INSL6: variants seen among roughly 807,000 people sequenced by gnomAD.
INSL6 encodes the protein insulin-like peptide INSL6.
INSL6 carries 16 observed loss-of-function variants against 9.4 expected under a neutral mutation model. That is an observed-to-expected ratio of 1.70 (90% CI 1.15 to 2.59). INSL6 has a LOEUF of 2.59. INSL6 is among the 30% of genes most tolerant of loss of function. The pLI is 0.00. For missense variants in INSL6, 391 were observed against 257.3 expected (o/e 1.52, Z -3.56); for synonymous variants, 154 against 96.9 (o/e 1.59, Z -3.46).
chr9:5,086,906 G>A, the INSL6 span, among the ~76,000 whole-genome samples: 2 of 151,992 alleles, frequency 1.3e-5, no homozygotes, highest in East Asian at 1.9e-4. Context: ...AACTACTTTC[G>A]CTGGTATCCA....
At chr9:5,027,230 G>T in the INSL6 span, among the ~76,000 whole-genome samples, 8 of 152,280 alleles carry the variant, frequency 5.3e-5, 1 homozygote, top group Admixed American at 5.2e-4. Context: ...TTGTGGGTTT[G>T]GTTCCAGACT....
At chr9:5,135,999 T>C (rs989020608) in intron 2 of INSL6, among the ~76,000 whole-genome samples, 8 of 152,190 alleles carry the variant, frequency 5.3e-5, no homozygotes, top group Admixed American at 4.6e-4. Flanking sequence ...TAAACACCTC[T>C]ATGCAAATAA....
chr9:5,133,902 C>G (rs1824339614), intron 2 of INSL6, among the ~76,000 whole-genome samples: 1 of 151,956 alleles, frequency 6.6e-6, no homozygotes, highest in Admixed American at 6.6e-5. Flanking sequence ...CTCCTCTGAG[C>G]TAAAGGAACA....
chr9:5,157,412 T>C (rs1586867351), intron 2 of INSL6, among the ~76,000 whole-genome samples: 1 of 151,964 alleles, frequency 6.6e-6, no homozygotes, highest in Admixed American at 6.6e-5. Flanking sequence ...GAAAGATTAA[T>C]GGAAAAAAAG....
At chr9:5,060,669 G>A in the INSL6 span, among the ~76,000 whole-genome samples, 4 of 152,080 alleles carry the variant, frequency 2.6e-5, no homozygotes, top group African/African-American at 9.7e-5. Flanking sequence ...CATTGAAGTC[G>A]TGAACCCCTC....
At chr9:5,112,198 G>A in the INSL6 span, 2 of 270,420 alleles carry the variant, frequency 7.4e-6, no homozygotes, top group Admixed American at 4.7e-5. Flanking sequence ...GGGCTTCGCC[G>A]GCCCCATGCT....
chr9:5,128,230 C>T, intron 3 of INSL6: 1 of 230,882 alleles, frequency 4.3e-6, no homozygotes, highest in Non-Finnish European at 8.6e-6. Context: ...CTGAAGACTT[C>T]TGATTTTGGG....
At chr9:5,013,464 C>T in the INSL6 span, among the ~76,000 whole-genome samples, 9 of 152,140 alleles carry the variant, frequency 5.9e-5, no homozygotes, top group Admixed American at 2.0e-4. Context: ...TTCTTGGCTT[C>T]TTCTTCAGAC....
the INSL6 span, among the ~76,000 whole-genome samples, chr9:5,051,810 A>C: frequency 7.5e-4 from 114 of 152,260 alleles, no homozygotes; most frequent in African/African-American, 2.6e-3. Context: ...AAACAGTTAC[A>C]TACCCAATTT....
chr9:5,121,257 T>G (rs988370231), downstream of INSL6, among the ~76,000 whole-genome samples: 1 of 152,148 alleles, frequency 6.6e-6, no homozygotes, highest in African/African-American at 2.4e-5. Context: ...CCTAAGAGAT[T>G]TGCAAAGACA....
At chr9:5,043,447 A>G in the INSL6 span, among the ~76,000 whole-genome samples, 1 of 152,248 alleles carries the variant, frequency 6.6e-6, no homozygotes, top group Non-Finnish European at 1.5e-5. Flanking sequence ...AAGACAAACA[A>G]TAACAAGTGT....
chr9:5,038,988 G>T, the INSL6 span, among the ~76,000 whole-genome samples: 1 of 151,958 alleles, frequency 6.6e-6, no homozygotes, highest in African/African-American at 2.4e-5. Context: ...AACACAATAG[G>T]AATGGCAAGG....
At chr9:5,008,452 G>C in the INSL6 span, among the ~76,000 whole-genome samples, 1 of 152,212 alleles carries the variant, frequency 6.6e-6, no homozygotes, top group East Asian at 1.9e-4. Context: ...GGTGATTGAG[G>C]AGGAGAAAGT....
chr9:5,114,208 C>A, the INSL6 span: 1 of 496,748 alleles, frequency 2.0e-6, no homozygotes, highest in South Asian at 1.8e-5. Flanking sequence ...CTGAGCCGGT[C>A]CAGCCCCTTC....
At chr9:5,049,123 T>C in the INSL6 span, among the ~76,000 whole-genome samples, 1 of 152,198 alleles carries the variant, frequency 6.6e-6, no homozygotes, top group Non-Finnish European at 1.5e-5. Context: ...GTATCTTCTG[T>C]TTCCTGGATC....
At chr9:5,129,614 A>T (rs1315933557) in intron 3 of INSL6, among the ~76,000 whole-genome samples, 1 of 152,134 alleles carries the variant, frequency 6.6e-6, no homozygotes, top group Non-Finnish European at 1.5e-5. Context: ...AGGTTTTATG[A>T]GATAAGCTTG....
intron 1 of INSL6, among the ~76,000 whole-genome samples, chr9:5,177,066 C>G (rs533442002): frequency 1.3e-5 from 2 of 152,084 alleles, no homozygotes; most frequent in East Asian, 3.9e-4. Flanking sequence ...ATAAAGAGGT[C>G]AATGGGGTCG....
the INSL6 span, chr9:5,111,209 G>A: frequency 4.9e-6 from 3 of 614,216 alleles, no homozygotes; most frequent in Non-Finnish European, 5.9e-6. Flanking sequence ...GGACTCGGAG[G>A]CAAGAGCAGC....
intron 1 of INSL6, among the ~76,000 whole-genome samples, chr9:5,174,451 C>G (rs187142871): frequency 7.2e-5 from 11 of 152,350 alleles, no homozygotes. Flanking sequence ...AAATACACCT[C>G]TTCCTGACAT....
Sources: gnomAD v4.1 joint callset for allele counts (sites outside exome capture counted in the v4.1 genomes callset) on GRCh38, gnomAD v4.1.1 for gene constraint, MANE v1.5 for transcripts, NCBI Gene and HGNC (gene_info 2026-07-23, HGNC 2026-07-21) for gene names.